VPS13C: variants seen among roughly 807,000 people sequenced by gnomAD.
VPS13C encodes vacuolar protein sorting 13 homolog C.
In VPS13C, 358 loss-of-function variants were observed where a neutral mutation model predicts 456.8. The ratio of observed to expected loss-of-function variants is 0.78; its 90% confidence interval spans 0.72 to 0.86. The LOEUF (loss-of-function observed/expected upper bound fraction) is 0.86. VPS13C is among the 40% of genes least tolerant of loss of function. The pLI, the probability that VPS13C is intolerant of heterozygous loss-of-function variation, is 0.00. For missense variants in VPS13C, 4,818 were observed against 4,385.4 expected, an observed-to-expected ratio of 1.10 and a Z score of -2.79; for synonymous variants, 1,578 against 1,486.7, an observed-to-expected ratio of 1.06 and a Z score of -1.41.
At chr15:62,037,247 A>T (rs867141740) in intron 3 of VPS13C, among the ~76,000 whole-genome samples, 11 of 23,416 alleles carry the variant, frequency 4.7e-4, no homozygotes, top group Admixed American at 1.1e-3. Flanking sequence ...AATATATATA[A>T]TATATTTATA....
At chr15:61,908,357 CAT>C (rs1291219455) in intron 65 of VPS13C, among the ~76,000 whole-genome samples, 2 of 151,262 alleles carry the variant, frequency 1.3e-5, no homozygotes, top group South Asian at 2.1e-4. Context: ...CACATATATA[CAT>C]ATGTTAATAT....
Position 61,928,713 on chromosome 15 carries a change from T to C in VPS13C, c.6286+788A>G, listed in dbSNP as rs142471977. ...TGGGAAACATGGCGAAGCCCCATGT[T>C]TACCGAAAAACAAAAAATACCAGGT... On this transcript the variant is annotated intron_variant, in intron 51 of 84. Coordinates refer to ENST00000644861, the MANE Select transcript of VPS13C (RefSeq NM_020821.3). 7.8e-3 allele frequency among the ~76,000 whole-genome samples: 1,191 copies of C among 151,798 alleles called. 10 individuals are homozygous for C. Among genetic ancestry groups the C allele is most frequent in the African/African-American group, 0.028 (1,140 of 41,394 alleles).
rs1406593183 is a variant in VPS13C at position 61,966,106 on chromosome 15, C to G, written c.3028G>C (p.Gly1010Arg). ...KNGPSFQTAF[G>R]KTEQTVKVAF... ...ACCTTAACTGTTTGTTCAGTTTTTCCAAAAGCAGTTTGAAAACTAGGTCCA... is the reference window on the plus strand; with the variant it reads ...ACCTTAACTGTTTGTTCAGTTTTTCGAAAAGCAGTTTGAAAACTAGGTCCA... Residue 1010 changes from glycine to arginine, a missense_variant, in exon 30 of 85, where the codon GGA becomes CGA. Physicochemically the swap from Gly to Arg is moderately radical, Grantham distance 125. Transcript: ENST00000644861. 1.2e-6 allele frequency: 2 copies of G among 1,602,128 alleles called. No homozygotes were observed. Among genetic ancestry groups the G allele is most frequent in the Non-Finnish European group, 1.7e-6 (2 of 1,173,470 alleles).
At chr15:62,020,390 T>C in intron 9 of VPS13C, 89 bp downstream of exon 9, 1 of 1,097,060 alleles carries the variant, frequency 9.1e-7, no homozygotes, top group African/African-American at 1.6e-5. Context: ...TAGTTCTTTG[T>C]CGCATAGTTG....
intron 9 of VPS13C, among the ~76,000 whole-genome samples, chr15:62,018,061 G>A (rs1415191308): frequency 1.3e-5 from 2 of 152,126 alleles, no homozygotes; most frequent in East Asian, 1.9e-4. Flanking sequence ...GTGAATGGGA[G>A]TTCACTCATG....
intron 2 of VPS13C, among the ~76,000 whole-genome samples, chr15:62,042,283 C>T (rs2048267991): frequency 6.6e-6 from 1 of 152,060 alleles, no homozygotes; most frequent in Non-Finnish European, 1.5e-5. Flanking sequence ...TACTAAACAA[C>T]TGATATCCAT....
At chr15:61,954,637 G>A (rs2044923887) in intron 37 of VPS13C, 83 bp from the exon 38 acceptor site, 16 of 1,373,762 alleles carry the variant, frequency 1.2e-5, no homozygotes, top group Non-Finnish European at 1.6e-5. Context: ...TGAGTATTCT[G>A]GACCTGGTAG....
At chr15:61,979,529 A>G (rs1261035342) in intron 22 of VPS13C, among the ~76,000 whole-genome samples, 1 of 152,234 alleles carries the variant, frequency 6.6e-6, no homozygotes, top group Non-Finnish European at 1.5e-5. Context: ...CAGTGCCCCA[A>G]AGAAATTAGC....
At position 61,977,069 on chromosome 15, in the gene VPS13C, G is replaced by C. The variant is rs543326737; in HGVS notation, c.2408+13C>G. ...CTGTTGATTTTCTAATATAAAAGAA[G>C]TTTATACATTACCTGGCCATTCTAA... is the stretch of plus-strand genomic sequence containing the variant. On this transcript the variant is annotated intron_variant, in intron 24 of 84. Transcript: ENST00000644861. 5.8e-6 allele frequency: 9 copies of C among 1,543,292 alleles called. No homozygotes were observed. In the South Asian group the frequency reaches 8.1e-5, roughly 14 times the overall value.
chr15:61,861,328 C>G (rs947494211), intron 82 of VPS13C, among the ~76,000 whole-genome samples: 1 of 151,908 alleles, frequency 6.6e-6, no homozygotes, highest in Non-Finnish European at 1.5e-5. Context: ...CAAATCCAGC[C>G]CAAGACCTGT....
rs542996658 is a variant in VPS13C at position 61,913,337 on chromosome 15, A to G, written c.8524T>C (p.Cys2842Arg). The G allele has an allele frequency of 6.2e-7, 1 of 1,614,116 alleles. No individual in the cohort carries two copies. Among genetic ancestry groups the G allele is most frequent in the South Asian group, 1.1e-5 (1 of 91,078 alleles). ...DTVGSYGCVK[C>R]PANNMEYLVG... ...AGGTACTCCATATTGTTGGCAGGAC[A>G]CTTCACACACCCATAACTTCCCACT... is the stretch of plus-strand genomic sequence containing the variant. Residue 2842 changes from cysteine (C) to arginine (R), a missense_variant, in exon 62 of 85, where the codon TGT (cysteine) becomes CGT (arginine). By Grantham distance (180) the Cys-to-Arg change is radical. Around this residue, in one of 3 missense-constraint regions of VPS13C, gnomAD observed 4,552 missense variants for 4,130.6 expected, o/e 1.10. Transcript: ENST00000644861.
chr15:61,941,135 C>T (rs2044407129), intron 46 of VPS13C, among the ~76,000 whole-genome samples: 2 of 152,210 alleles, frequency 1.3e-5, no homozygotes, highest in Admixed American at 1.3e-4. Context: ...CCTCCTAAAA[C>T]TGGAAGATGA....
chr15:62,027,523 T>A (rs2047677229), intron 6 of VPS13C, among the ~76,000 whole-genome samples: 1 of 152,090 alleles, frequency 6.6e-6, no homozygotes. Flanking sequence ...AAATTCCACT[T>A]CCATCTGTCA....
intron 45 of VPS13C, among the ~76,000 whole-genome samples, chr15:61,943,042 C>T (rs1167092593): frequency 1.3e-5 from 2 of 152,012 alleles, no homozygotes; most frequent in African/African-American, 2.4e-5. Context: ...AACAAAGTAC[C>T]TAGAAATACA....
At chr15:61,957,747 T>C (rs566905068) in intron 37 of VPS13C, among the ~76,000 whole-genome samples, 1 of 152,102 alleles carries the variant, frequency 6.6e-6, no homozygotes, top group South Asian at 2.1e-4. Flanking sequence ...AAAGTATATG[T>C]ATGAGGATAT....
chr15:61,969,944 G>A (rs2045495395), intron 27 of VPS13C, among the ~76,000 whole-genome samples: 1 of 151,702 alleles, frequency 6.6e-6, no homozygotes, highest in Admixed American at 6.6e-5. Context: ...ATCAAAAGGT[G>A]TAGATCTTTG....
At chr15:61,866,843 T>C (rs1894629397) in intron 81 of VPS13C, 6 of 974,124 alleles carry the variant, frequency 6.2e-6, no homozygotes, top group Non-Finnish European at 7.3e-6. Flanking sequence ...ATAATCCAAC[T>C]GAACAATTAT....
rs1567058076 is a variant in VPS13C at position 61,969,316 on chromosome 15, T to C, written c.2894A>G (p.Asp965Gly). Residue 965 changes from aspartate (D) to glycine (G), a missense_variant, in exon 28 of 85, where the codon GAT becomes GGT. Physicochemically the swap from Asp to Gly is moderately conservative, Grantham distance 94. Around this residue, in one of 3 missense-constraint regions of VPS13C, gnomAD observed 4,552 missense variants for 4,130.6 expected, o/e 1.10. Coordinates refer to ENST00000644861, the MANE Select transcript of VPS13C (RefSeq NM_020821.3). ...GGTATTACCTTCAATTTCATGATAA[T>C]CCAAGCTGATTTTCTTTAAATAAGA... ...VVSYLKKISL[D>G]YHEIEGSKRK... 1 of 1,599,304 alleles carries C rather than the reference T, an allele frequency of 6.3e-7. No homozygotes were observed. Among genetic ancestry groups the C allele is most frequent in the Non-Finnish European group, 8.5e-7 (1 of 1,174,166 alleles).
chr15:61,958,749 T>C (rs1274966795), intron 36 of VPS13C, 33 bp from the exon 37 acceptor site: 3 of 1,188,112 alleles, frequency 2.5e-6, no homozygotes, highest in Non-Finnish European at 3.5e-6. Flanking sequence ...AAAAACTATA[T>C]TACGTTTTAA....
Sources: gnomAD v4.1 joint callset for allele counts (sites outside exome capture counted in the v4.1 genomes callset) on GRCh38, gnomAD v4.1.1 for gene constraint, gnomAD v4.1.1 regional missense constraint, MANE v1.5 for transcripts, NCBI Gene and HGNC (gene_info 2026-07-23, HGNC 2026-07-21) for gene names.